PTGR1: variants seen among roughly 807,000 people sequenced by gnomAD.
PTGR1 encodes prostaglandin reductase 1, also known as 15-oxoprostaglandin 13-reductase.
Under a neutral mutation model 37.7 loss-of-function variants are expected in PTGR1, and 23 were observed. The observed-to-expected ratio is 0.61, with a 90% CI of 0.44 to 0.86. The LOEUF (loss-of-function observed/expected upper bound fraction) is 0.86. PTGR1 is among the 40% of genes least tolerant of loss of function. The pLI, the probability that PTGR1 is intolerant of heterozygous loss-of-function variation, is 0.00. For synonymous variants in PTGR1, 134 were observed against 140.0 expected (o/e 0.96, Z 0.30); for missense variants, 351 against 394.3 (o/e 0.89, Z 0.93).
chr9:111,587,667 G>C (rs1829479584), intron 4 of PTGR1, among the ~76,000 whole-genome samples: 1 of 152,018 alleles, frequency 6.6e-6, no homozygotes, highest in Non-Finnish European at 1.5e-5. Flanking sequence ...GGGCAGGATG[G>C]TCTTGATCTC....
At chr9:111,579,920 T>C (rs955643547) in intron 6 of PTGR1, among the ~76,000 whole-genome samples, 6 of 152,206 alleles carry the variant, frequency 3.9e-5, no homozygotes, top group African/African-American at 1.4e-4. Flanking sequence ...AAATGTATTA[T>C]GAAGACCAGA....
chr9:111,576,529 C>A (rs1041406050), intron 7 of PTGR1: 37 of 1,402,836 alleles, frequency 2.6e-5, no homozygotes, highest in Admixed American at 1.6e-4. Context: ...GAGTATGAAT[C>A]CCAACTCTGG....
chr9:111,557,514 C>T (rs1464452065), intron 9 of PTGR1, among the ~76,000 whole-genome samples: 1 of 151,758 alleles, frequency 6.6e-6, no homozygotes, highest in Non-Finnish European at 1.5e-5. Flanking sequence ...GGCGTGATCT[C>T]AGCTCTCTGC....
At chr9:111,574,635 C>A (rs1467157524) in intron 8 of PTGR1, 99 bp downstream of exon 8, 11 of 685,008 alleles carry the variant, frequency 1.6e-5, no homozygotes, top group Non-Finnish European at 2.3e-5. Context: ...ATATGAAAAT[C>A]TTTCTAATAA....
At chr9:111,550,538 G>A (rs1031335308) in intron 9 of PTGR1, among the ~76,000 whole-genome samples, 1 of 152,116 alleles carries the variant, frequency 6.6e-6, no homozygotes, top group Non-Finnish European at 1.5e-5. Context: ...TTACCACTCA[G>A]AATTTCCCCT....
In PTGR1 at chr9:111,555,980, T is replaced by C. The variant is rs116930726; in HGVS notation, c.880-6181A>G. Among the ~76,000 whole-genome samples, 1,050 of 152,334 alleles carry C rather than the reference T, an allele frequency of 6.9e-3. 7 individuals are homozygous for C. The highest frequency in any genetic ancestry group is 0.024 in the Middle Eastern group (7 of 294). ...CTCAAAAGTCCAAGTCCAAAGTCTC[T>C]TCTGACACAAGGCAAGTCCCTTCCA... On this transcript the variant is annotated intron_variant, in intron 9 of 9. Transcript: ENST00000538962.
At chr9:111,578,258 C>T (rs575645603) in intron 7 of PTGR1, among the ~76,000 whole-genome samples, 17 of 151,740 alleles carry the variant, frequency 1.1e-4, no homozygotes, top group African/African-American at 3.9e-4. Context: ...ATTTTTCCAT[C>T]GATTGTTGGG....
At chr9:111,555,247 G>C (rs571685899) in intron 9 of PTGR1, among the ~76,000 whole-genome samples, 1 of 152,228 alleles carries the variant, frequency 6.6e-6, no homozygotes, top group South Asian at 2.1e-4. Context: ...TTTCCTGTGG[G>C]AATTGTGGTG....
chr9:111,581,264 AC>A, intron 6 of PTGR1, among the ~76,000 whole-genome samples: 1 of 152,382 alleles, frequency 6.6e-6, no homozygotes, highest in Non-Finnish European at 1.5e-5. Context: ...AAGAGAGCAT[AC>A]AAGAATAGTC....
chr9:111,580,743 G>GA (rs1480917545), intron 6 of PTGR1, among the ~76,000 whole-genome samples: 4 of 128,410 alleles, frequency 3.1e-5, no homozygotes, highest in African/African-American at 1.2e-4. Context: ...CAACAAGAGC[G>GA]AAACTCCATC....
rs1829269663 is a variant in PTGR1, at chr9:111,581,168, G to A, written c.496-2217C>T. On this transcript the variant is annotated intron_variant, in intron 6 of 9. Coordinates refer to ENST00000407693, the MANE Select transcript of PTGR1 (RefSeq NM_001146108.2). ...TGCTAATCTAGAAACTGATGCTGCT[G>A]CAAGTCATGTAATTCAATTGGAGGA... is the stretch of plus-strand genomic sequence containing the variant. Among the ~76,000 whole-genome samples the A allele has an allele frequency of 2.6e-5, 4 of 152,188 alleles. No individual in the cohort carries two copies. In the South Asian group the frequency reaches 8.3e-4, roughly 31 times the overall value.
intron 6 of PTGR1, 134 bp from the exon 7 acceptor site, chr9:111,579,085 C>T: frequency 1.3e-6 from 1 of 793,074 alleles, no homozygotes; most frequent in Non-Finnish European, 1.9e-6. Context: ...AAAAGGAATA[C>T]CATAATGGGC....
intron 9 of PTGR1, among the ~76,000 whole-genome samples, chr9:111,550,391 A>G (rs540602350): frequency 7.9e-5 from 12 of 152,252 alleles, no homozygotes; most frequent in Non-Finnish European, 1.6e-4. Context: ...GGAAGTGGCT[A>G]TTATTGTCCA....
intron 9 of PTGR1, among the ~76,000 whole-genome samples, chr9:111,555,728 A>C (rs1345529265): frequency 6.6e-6 from 1 of 152,136 alleles, no homozygotes; most frequent in Non-Finnish European, 1.5e-5. Flanking sequence ...AGAACTCACT[A>C]TCATGAGAAC....
chr9:111,594,137 G>A, intron 3 of PTGR1, 85 bp downstream of exon 3: 3 of 1,324,740 alleles, frequency 2.3e-6, no homozygotes, highest in Non-Finnish European at 3.3e-6. Flanking sequence ...AATGTTTTAA[G>A]TCAGTTGGAT....
At chr9:111,553,644 A>G (rs187522261) in intron 9 of PTGR1, among the ~76,000 whole-genome samples, 5 of 152,386 alleles carry the variant, frequency 3.3e-5, no homozygotes, top group African/African-American at 1.2e-4. Flanking sequence ...TTCCTGTACA[A>G]GCATTATAAT....
At chr9:111,593,068 T>G in intron 3 of PTGR1, 86 bp from the exon 4 acceptor site, 1 of 1,482,042 alleles carries the variant, frequency 6.7e-7, no homozygotes, top group Non-Finnish European at 8.9e-7. Flanking sequence ...ATCGGGGGAC[T>G]GTTTTGAGTT....
intron 7 of PTGR1, chr9:111,577,899 T>G (rs77291734): frequency 0.03 from 4,497 of 152,090 alleles, 208 homozygotes; most frequent in African/African-American, 0.1. Context: ...TGGATGAAAC[T>G]TGAAAACATT....
rs1312360186 is a variant in PTGR1, at chr9:111,578,838, C to T, written c.609G>A (p.Leu203=). The T allele has an allele frequency of 1.2e-6, 2 of 1,610,558 alleles. No individual in the cohort carries two copies. Among genetic ancestry groups the T allele is most frequent in the East Asian group, 2.2e-5 (1 of 44,860 alleles). Residue 203 remains leucine (L), a synonymous_variant, in exon 7 of 10, where the codon TTG becomes TTA. Coordinates refer to ENST00000407693, the MANE Select transcript of PTGR1 (RefSeq NM_001146108.2). ...CATAACCATCAGGAGACGCTTTCTT[C>T]AAGGTTTCTTCCAAAGACTCTACCG... ...YKTVESLEET[L]KKASPDGYDC... is the part of the protein sequence containing the mutation.
Sources: gnomAD v4.1 joint callset for allele counts (sites outside exome capture counted in the v4.1 genomes callset) on GRCh38, gnomAD v4.1.1 for gene constraint, MANE v1.5 for transcripts, NCBI Gene and HGNC (gene_info 2026-07-23, HGNC 2026-07-21) for gene names.